NVL: variants seen among roughly 807,000 people sequenced by gnomAD.
NVL encodes the protein nuclear valosin-containing protein-like.
NVL carries 84 observed loss-of-function variants against 110.2 expected under a neutral mutation model. The ratio of observed to expected loss-of-function variants is 0.76; its 90% CI spans 0.64 to 0.91. NVL has a LOEUF of 0.91. Ranked by LOEUF, NVL falls within the 40% of genes least tolerant of loss-of-function variation. The pLI is 0.00. For missense variants in NVL, 882 were observed against 1,035.9 expected (o/e 0.85, Z 2.04); for synonymous variants, 354 against 361.1 (o/e 0.98, Z 0.22).
chr1:224,231,278 T>C lies in NVL; in HGVS notation c.2474A>G (p.His825Arg), dbSNP rs199692832. 1 of 1,612,526 alleles carries C rather than the reference T, an allele frequency of 6.2e-7. No individual in the cohort carries two copies. The highest frequency in any genetic ancestry group is 2.2e-5 in the East Asian group (1 of 44,856). Residue 825 changes from histidine to arginine, a missense_variant, in exon 22 of 23, where the codon CAT (histidine) becomes CGT (arginine). Transcript: ENST00000281701. ...CTTGAAAGCTTCTTCAAAATGCTTA[T>C]GACTAACCTTGAGTTCACCTATGGA... ...GNEKGELKVS[H>R]KHFEEAFKKV...
chr1:224,263,945 G>A (rs975203635), intron 18 of NVL, among the ~76,000 whole-genome samples: 3 of 152,138 alleles, frequency 2.0e-5, no homozygotes, highest in African/African-American at 7.2e-5. Flanking sequence ...AACCTGGGAG[G>A]CAGAAGTTGC....
At position 224,303,789 on chromosome 1, in the gene NVL, AG is replaced by A. The variant is rs755814359; in HGVS notation, c.893del (p.Pro298LeufsTer30). ...GTGGTCCATGAAGGAGAACTCCACG[AG>A]GGGGCACGACGCCCAGGTGGTGGTA... is the stretch of plus-strand genomic sequence containing the variant. ...EVYHHLGVVP[P>X]RGVLLHGPPG... On this transcript the variant is annotated frameshift_variant, in exon 9 of 23. Coordinates refer to ENST00000281701, the MANE Select transcript of NVL (RefSeq NM_002533.4). LOFTEE classifies it high-confidence loss of function. 6.2e-7 allele frequency: 1 copy of A among 1,613,692 alleles called. No individual in the cohort carries two copies. Among genetic ancestry groups the A allele is most frequent in the Non-Finnish European group, 8.5e-7 (1 of 1,179,814 alleles).
At chr1:224,230,599 G>A (rs1659763777) in intron 22 of NVL, among the ~76,000 whole-genome samples, 1 of 151,680 alleles carries the variant, frequency 6.6e-6, no homozygotes, top group Non-Finnish European at 1.5e-5. Flanking sequence ...GCGAGACTCT[G>A]TCTCAAAAAA....
intron 17 of NVL, among the ~76,000 whole-genome samples, chr1:224,268,660 G>GTTTT: frequency 6.8e-6 from 1 of 147,688 alleles, no homozygotes; most frequent in African/African-American, 2.5e-5. Context: ...TTGTTTGTTT[G>GTTTT]TTTGTTTTGT....
Position 224,233,241 on chromosome 1 carries a change from C to G in NVL, c.2415G>C (p.Leu805=). ...ALVREASICA[L]RQEMARQKSG... is the part of the protein sequence containing the mutation. Reference sequence around the variant, plus strand: ...TCTTCTGTCTTGCCATTTCCTGTCTCAGGGCACAGATAGAAGCTTCTCGTA... The same window carrying G: ...TCTTCTGTCTTGCCATTTCCTGTCTGAGGGCACAGATAGAAGCTTCTCGTA... Residue 805 remains leucine (L), a synonymous_variant, in exon 21 of 23, where the codon CTG becomes CTC. Coordinates refer to ENST00000281701, the MANE Select transcript of NVL (RefSeq NM_002533.4). 2 of 1,613,264 alleles carry G rather than the reference C, an allele frequency of 1.2e-6. No homozygotes were observed. Among genetic ancestry groups the G allele is most frequent in the Non-Finnish European group, 1.7e-6 (2 of 1,179,790 alleles).
At chr1:224,252,851 C>G (rs57935470) in intron 18 of NVL, among the ~76,000 whole-genome samples, 2,360 of 152,306 alleles carry the variant, frequency 0.015, 55 homozygotes, top group African/African-American at 0.052. Flanking sequence ...CCTTTCTCTC[C>G]TGCCCTTACC....
At chr1:224,306,415 C>A (rs1034246823) in intron 6 of NVL, among the ~76,000 whole-genome samples, 2 of 152,096 alleles carry the variant, frequency 1.3e-5, no homozygotes, top group Non-Finnish European at 2.9e-5. Context: ...TACAGGCGCC[C>A]GCCATGACGC....
chr1:224,254,564 TTTTTTTTG>T (rs1370550043), intron 18 of NVL, among the ~76,000 whole-genome samples: 1 of 35,786 alleles, frequency 2.8e-5, no homozygotes, highest in Non-Finnish European at 9.9e-5. Flanking sequence ...GGCTAATTTG[TTTTTTTTG>T]TTTTTTTTTT....
chr1:224,327,214 G>A (rs1671232987), intron 1 of NVL, among the ~76,000 whole-genome samples: 4 of 152,054 alleles, frequency 2.6e-5, no homozygotes, highest in Admixed American at 2.0e-4. Context: ...AGGCCAAGGC[G>A]GGAGGATTGC....
At chr1:224,237,293 G>T (rs1660593503) in intron 19 of NVL, among the ~76,000 whole-genome samples, 1 of 152,200 alleles carries the variant, frequency 6.6e-6, no homozygotes, top group Non-Finnish European at 1.5e-5. Context: ...AGGAGAGAAG[G>T]AGCAGTATCT....
Position 224,233,234 on chromosome 1 carries a change from C to T in NVL, c.2422G>A (p.Glu808Lys), listed in dbSNP as rs759550830. 64 of 1,613,112 alleles carry T rather than the reference C, an allele frequency of 4.0e-5. No individual in the cohort carries two copies. The East Asian group carries it at 1.4e-3, about 36-fold the overall frequency. The stretch of plus-strand genomic sequence containing the variant: ...TTTCCACTCTTCTGTCTTGCCATTT[C>T]CTGTCTCAGGGCACAGATAGAAGCT... ...REASICALRQ[E>K]MARQKSGNEK... Residue 808 changes from glutamate to lysine, a missense_variant, in exon 21 of 23, where the codon GAA (glutamate) becomes AAA (lysine). Transcript: ENST00000281701.
At chr1:224,317,958 A>G in intron 2 of NVL, 28 bp from the exon 3 acceptor site, 8 of 1,479,544 alleles carry the variant, frequency 5.4e-6, no homozygotes, top group Non-Finnish European at 7.4e-6. Context: ...GAAGTTTACC[A>G]TAGTAGTCTC....
chr1:224,328,200 T>C (rs915528187), intron 1 of NVL, among the ~76,000 whole-genome samples: 1 of 152,132 alleles, frequency 6.6e-6, no homozygotes, highest in African/African-American at 2.4e-5. Context: ...TAGGTATTTT[T>C]CCTAATGCTA....
At chr1:224,285,260 C>A (rs1369903151) in intron 15 of NVL, among the ~76,000 whole-genome samples, 1 of 152,004 alleles carries the variant, frequency 6.6e-6, no homozygotes, top group Non-Finnish European at 1.5e-5. Context: ...CATGGTGAAA[C>A]CCCATCTCTA....
chr1:224,279,219 A>G (rs925963062), intron 16 of NVL, among the ~76,000 whole-genome samples: 1 of 152,222 alleles, frequency 6.6e-6, no homozygotes, highest in African/African-American at 2.4e-5. Context: ...GCCACACAAA[A>G]AGTTAATAAA....
chr1:224,320,123 C>T (rs1670495002), intron 2 of NVL, among the ~76,000 whole-genome samples: 2 of 152,024 alleles, frequency 1.3e-5, no homozygotes, highest in South Asian at 2.1e-4. Flanking sequence ...AAAAAAATTC[C>T]GATAAAATAA....
chr1:224,278,738 ATTT>A (rs952597140), intron 16 of NVL, among the ~76,000 whole-genome samples: 1 of 146,716 alleles, frequency 6.8e-6, no homozygotes, highest in Admixed American at 6.8e-5. Flanking sequence ...GCAATATCCA[ATTT>A]TTTTTTTTTG....
intron 21 of NVL, 133 bp from the exon 22 acceptor site, chr1:224,231,429 C>T (rs535663339): frequency 1.5e-6 from 1 of 658,578 alleles, no homozygotes; most frequent in East Asian, 2.7e-5. Flanking sequence ...GGGCTCTGTT[C>T]TTTTTCAGAA....
At chr1:224,330,013 G>A (rs373227720) in intron 1 of NVL, 58 bp downstream of exon 1, 2 of 1,543,886 alleles carry the variant, frequency 1.3e-6, no homozygotes, top group Admixed American at 1.7e-5. Context: ...AAAGGGGAGT[G>A]GCACCCTGGG....
Sources: allele counts gnomAD v4.1 joint callset (sites outside exome capture counted in the v4.1 genomes callset), GRCh38; gene constraint gnomAD v4.1.1; transcripts MANE v1.5; gene names NCBI Gene and HGNC (gene_info 2026-07-23, HGNC 2026-07-21).